DLG2: variants seen among roughly 807,000 people sequenced by gnomAD.
The protein encoded by DLG2 is discs large MAGUK scaffold protein 2.
In DLG2, 45 loss-of-function variants were observed where a neutral mutation model predicts 132.5. The ratio of observed to expected loss-of-function variants is 0.34; its 90% confidence interval spans 0.27 to 0.44. The LOEUF is 0.44. DLG2 is among the 20% of genes least tolerant of loss of function. The probability of loss-of-function intolerance (pLI) is 1.00; values close to 1 mark genes in which losing one functional copy is unlikely to be tolerated. For missense variants in DLG2, 1,045 were observed against 1,196.9 expected, an observed-to-expected ratio of 0.87 and a Z score of 1.87; for synonymous variants, 424 against 419.6, an observed-to-expected ratio of 1.01 and a Z score of -0.13.
At chr11:85,251,925 T>G (rs902992417) in intron 4 of DLG2, among the ~76,000 whole-genome samples, 1 of 152,196 alleles carries the variant, frequency 6.6e-6, no homozygotes, top group Non-Finnish European at 1.5e-5. Flanking sequence ...TTTATATTCT[T>G]TACATTAAAA....
chr11:83,909,109 T>C (rs2075588121), intron 15 of DLG2, among the ~76,000 whole-genome samples: 1 of 152,188 alleles, frequency 6.6e-6, no homozygotes. Flanking sequence ...TGAAAGGAAA[T>C]ACAAGGTTTT....
At chr11:84,165,279 T>C (rs534985288) in intron 8 of DLG2, among the ~76,000 whole-genome samples, 1 of 152,280 alleles carries the variant, frequency 6.6e-6, no homozygotes, top group African/African-American at 2.4e-5. Context: ...GTCTAAAGGC[T>C]CAAAGAAATT....
intron 9 of DLG2, among the ~76,000 whole-genome samples, chr11:84,118,738 C>A (rs941693812): frequency 1.3e-5 from 2 of 152,092 alleles, no homozygotes; most frequent in Admixed American, 6.5e-5. Flanking sequence ...TTCTAATTTG[C>A]GGTAGAAATA....
intron 3 of DLG2, among the ~76,000 whole-genome samples, chr11:85,396,500 A>T (rs935474331): frequency 2.6e-5 from 4 of 152,218 alleles, no homozygotes; most frequent in African/African-American, 4.8e-5. Flanking sequence ...AGCATGTTCT[A>T]ACCCATCAGA....
chr11:85,369,606 C>T (rs558605307), intron 3 of DLG2, among the ~76,000 whole-genome samples: 1 of 152,260 alleles, frequency 6.6e-6, no homozygotes. Flanking sequence ...GTGTGCTTTG[C>T]CTGTCTGCAT....
At chr11:85,223,103 G>C (rs533805805) in intron 4 of DLG2, among the ~76,000 whole-genome samples, 1 of 152,144 alleles carries the variant, frequency 6.6e-6, no homozygotes, top group African/African-American at 2.4e-5. Context: ...AAGAAACTTT[G>C]TTTGTTACTA....
intron 4 of DLG2, among the ~76,000 whole-genome samples, chr11:85,252,270 G>A (rs76938417): frequency 0.02 from 3,017 of 152,308 alleles, 58 homozygotes; most frequent in Admixed American, 0.037. Flanking sequence ...TTTTGTGAAT[G>A]CACAGAGCAG....
At chr11:83,511,040 A>AAAC (rs1194708388) in intron 21 of DLG2, among the ~76,000 whole-genome samples, 1 of 146,530 alleles carries the variant, frequency 6.8e-6, no homozygotes, top group Non-Finnish European at 1.5e-5. Flanking sequence ...AGAAAAAAAA[A>AAAC]AAAACCCTCT....
chr11:83,485,531 C>T (rs2093445223), intron 21 of DLG2, among the ~76,000 whole-genome samples: 1 of 152,128 alleles, frequency 6.6e-6, no homozygotes, highest in African/African-American at 2.4e-5. Flanking sequence ...TTTGTTACCA[C>T]ACGGCTATTG....
chr11:85,514,583 T>A (rs1481057212), intron 3 of DLG2, among the ~76,000 whole-genome samples: 2 of 151,962 alleles, frequency 1.3e-5, no homozygotes, highest in Non-Finnish European at 2.9e-5. Context: ...CTCTAACAGA[T>A]TCTTATAGCA....
chr11:84,260,340 G>A (rs1209484551), intron 7 of DLG2, among the ~76,000 whole-genome samples: 1 of 152,104 alleles, frequency 6.6e-6, no homozygotes, highest in Admixed American at 6.6e-5. Context: ...AAGAAATGGG[G>A]ATTGCTTGAA....
chr11:84,787,098 C>T (rs1425853903), intron 6 of DLG2, among the ~76,000 whole-genome samples: 3 of 152,118 alleles, frequency 2.0e-5, no homozygotes, highest in Non-Finnish European at 2.9e-5. Context: ...TTGCAGCAGG[C>T]ATTATCAGGC....
chr11:84,853,692 G>T (rs1234444993), intron 6 of DLG2, among the ~76,000 whole-genome samples: 1 of 151,838 alleles, frequency 6.6e-6, no homozygotes, highest in Non-Finnish European at 1.5e-5. Context: ...CTTTACTGAG[G>T]GCAAACAAGA....
chr11:83,837,740 A>AAG (rs1411673246), intron 16 of DLG2, among the ~76,000 whole-genome samples: 1 of 150,210 alleles, frequency 6.7e-6, no homozygotes, highest in African/African-American at 2.4e-5. Flanking sequence ...AAAAAAAAAA[A>AAG]AAAAAAAGAA....
At chr11:84,657,079 C>G (rs1468619026) in intron 6 of DLG2, among the ~76,000 whole-genome samples, 1 of 152,082 alleles carries the variant, frequency 6.6e-6, no homozygotes, top group Non-Finnish European at 1.5e-5. Flanking sequence ...AGAATCTTTC[C>G]TAGGATCACA....
chr11:83,678,146 C>T (rs923284645), intron 18 of DLG2, among the ~76,000 whole-genome samples: 8 of 152,084 alleles, frequency 5.3e-5, no homozygotes, highest in African/African-American at 1.7e-4. Context: ...AAGACTATGC[C>T]CTCTGAACTA....
At chr11:83,809,142 A>G (rs1008037190) in intron 17 of DLG2, among the ~76,000 whole-genome samples, 1 of 152,110 alleles carries the variant, frequency 6.6e-6, no homozygotes, top group Non-Finnish European at 1.5e-5. Context: ...AATTTCTGGA[A>G]TTGTGTTATC....
At chr11:84,818,890 G>A (rs923596214) in intron 6 of DLG2, among the ~76,000 whole-genome samples, 3 of 150,820 alleles carry the variant, frequency 2.0e-5, no homozygotes, top group South Asian at 2.1e-4. Context: ...CCTTCTTCTC[G>A]GATATGGATG....
At chr11:85,399,504 G>A (rs1401567716) in intron 3 of DLG2, among the ~76,000 whole-genome samples, 2 of 152,110 alleles carry the variant, frequency 1.3e-5, no homozygotes, top group Non-Finnish European at 2.9e-5. Flanking sequence ...CAAAGCTGGA[G>A]GCATCACGCT....
Sources: allele counts gnomAD v4.1 joint callset (sites outside exome capture counted in the v4.1 genomes callset), GRCh38; gene constraint gnomAD v4.1.1; transcripts MANE v1.5; gene names NCBI Gene and HGNC (gene_info 2026-07-23, HGNC 2026-07-21).